RCC1L: variants seen among roughly 807,000 people sequenced by gnomAD.
RCC1L encodes RCC1-like G exchanging factor-like protein.
A neutral mutation model predicts 58.6 loss-of-function variants in RCC1L; 46 were observed. The observed-to-expected ratio is 0.79, with a 90% CI of 0.62 to 1.00. The LOEUF (loss-of-function observed/expected upper bound fraction) is 1.00, where lower values mean the gene tolerates loss of function less well. Among genes scored for constraint, RCC1L ranks in the 50% least tolerant of loss-of-function variants. The pLI is 0.00. For synonymous variants in RCC1L, 281 were observed against 262.9 expected (o/e 1.07, Z -0.67); for missense variants, 636 against 623.6 (o/e 1.02, Z -0.21).
downstream of RCC1L, among the ~76,000 whole-genome samples, chr7:75,041,371 C>T (rs954953910): frequency 8.6e-5 from 13 of 152,036 alleles, no homozygotes; most frequent in African/African-American, 3.1e-4. Flanking sequence ...CTTCACGGTG[C>T]GGGGATTTTT....
rs1554446528 is a variant in RCC1L, at chr7:75,073,632, G to T, written c.106C>A (p.Arg36Ser). ...WTAAGRSRSR[R>S]EAAEAEAEVP... ...TCCGCCTCGGCTTCTGCCGCTTCGCGCCGGCTCCGGGAGCGCCCGGCCGCC... is the reference window on the plus strand; with the variant it reads ...TCCGCCTCGGCTTCTGCCGCTTCGCTCCGGCTCCGGGAGCGCCCGGCCGCC... The change falls in exon 1 of 11, where the codon CGC (arginine) becomes AGC (serine). Residue 36 changes from arginine (R) to serine (S), a missense_variant. Transcript: ENST00000610322. 6.7e-7 allele frequency: 1 copy of T among 1,491,622 alleles called. No individual in the cohort carries two copies. Among genetic ancestry groups the T allele is most frequent in the Non-Finnish European group, 8.9e-7 (1 of 1,129,942 alleles). 92.4% of individuals were successfully genotyped at this position (1,491,622 alleles called of 1,614,324 possible).
At chr7:75,049,630 C>G (rs1414033055) in intron 10 of RCC1L, among the ~76,000 whole-genome samples, 43 of 150,216 alleles carry the variant, frequency 2.9e-4, no homozygotes, top group Non-Finnish European at 5.5e-4. Context: ...GTGATCACAC[C>G]ATACTCCAGC....
chr7:75,073,538 C>T lies in RCC1L; in HGVS notation c.200G>A (p.Ser67Asn). The change falls in exon 1 of 11, where the codon AGC becomes AAC. Residue 67 changes from serine (S) to asparagine (N), a missense_variant. Transcript: ENST00000610322. ...RADRVFVWGF[S>N]FSGALGVPSF... ...AGGCACGCCCAGCGCCCCCGAGAAG[C>T]TGAAGCCCCACACGAAGACGCGATC... 6.7e-7 allele frequency: 1 copy of T among 1,495,896 alleles called. No individual in the cohort carries two copies. Among genetic ancestry groups the T allele is most frequent in the Non-Finnish European group, 8.8e-7 (1 of 1,131,606 alleles). 92.7% of individuals were successfully genotyped at this position (1,495,896 alleles called of 1,614,324 possible).
At chr7:75,071,093 T>C (rs1448061857) in intron 1 of RCC1L, among the ~76,000 whole-genome samples, 2 of 152,112 alleles carry the variant, frequency 1.3e-5, no homozygotes, top group Admixed American at 1.3e-4. Context: ...CGGCCTCAAG[T>C]GATCTGTCCG....
chr7:75,043,194 C>G, intron 10 of RCC1L, 85 bp from the exon 11 acceptor site: 1 of 1,479,124 alleles, frequency 6.8e-7, no homozygotes, highest in Non-Finnish European at 9.4e-7. Flanking sequence ...CCGGCCCTGC[C>G]TCTCAGTAGG....
chr7:75,065,538 G>A (rs587737158), intron 3 of RCC1L, among the ~76,000 whole-genome samples: 1 of 150,150 alleles, frequency 6.7e-6, no homozygotes, highest in Admixed American at 6.8e-5. Flanking sequence ...CTGGGTGGCA[G>A]AGCAAGACTC....
At position 75,066,795 on chromosome 7, in the gene RCC1L, GGAAAA is replaced by G. The variant is rs1554445211; in HGVS notation, c.455-8_455-4del. ...CAACACATACTCGTAGCCCCTCGCT[GGAAAA>G]GACACAGGACACTGATTGAGGCATG... On this transcript the variant is annotated splice_polypyrimidine_tract_variant and splice_region_variant and intron_variant, in intron 2 of 10. Transcript: ENST00000610322. 4 of 1,601,270 alleles carry G rather than the reference GGAAAA, an allele frequency of 2.5e-6. No individual in the cohort carries two copies. The highest frequency in any genetic ancestry group is 2.6e-6 in the Non-Finnish European group (3 of 1,175,014).
At position 75,056,057 on chromosome 7, in the gene RCC1L, C is replaced by A; in HGVS notation, c.1075G>T (p.Val359Phe). 1 of 1,613,898 alleles carries A rather than the reference C, an allele frequency of 6.2e-7. No homozygotes were observed. ...TTCCCAAGAATTCCATAGCCCCAGA[C>A]AAAAACATGTCCTTCTCCTACATTA... ...AVLNGEGHVFVWGYGILGKGP... is the reference protein window; with the variant it reads ...AVLNGEGHVFFWGYGILGKGP... The change falls in exon 9 of 11, where the codon GTC (valine) becomes TTC (phenylalanine). Residue 359 changes from valine (V) to phenylalanine (F), a missense_variant. Transcript: ENST00000610322.
At chr7:75,030,068 G>A (rs1805257456) in intron 10 of RCC1L, among the ~76,000 whole-genome samples, 1 of 152,236 alleles carries the variant, frequency 6.6e-6, no homozygotes, top group Non-Finnish European at 1.5e-5. Flanking sequence ...GGAGCCTGAG[G>A]CCTGAGCCAT....
At position 75,070,620 on chromosome 7, in the gene RCC1L, G is replaced by A; in HGVS notation, c.454+20C>T. On this transcript the variant is annotated intron_variant, in intron 2 of 10. Coordinates refer to ENST00000610322, the MANE Select transcript of RCC1L (RefSeq NM_030798.5). ...CTCAGACCAATCCCGGCAAAGAGGAGACAAGGTAGGGATGCTCACTTTTAT... is the reference window on the plus strand; with the variant it reads ...CTCAGACCAATCCCGGCAAAGAGGAAACAAGGTAGGGATGCTCACTTTTAT... 6.2e-7 allele frequency: 1 copy of A among 1,612,572 alleles called. No individual in the cohort carries two copies. The highest frequency in any genetic ancestry group is 8.5e-7 in the Non-Finnish European group (1 of 1,179,424).
intron 9 of RCC1L, 68 bp from the exon 10 acceptor site, chr7:75,052,864 G>T: frequency 6.9e-7 from 1 of 1,459,416 alleles, no homozygotes; most frequent in Non-Finnish European, 9.5e-7. Context: ...GAGAGGATGG[G>T]TCATGAGAAC....
chr7:75,041,761 G>A (rs1400926609), downstream of RCC1L, among the ~76,000 whole-genome samples: 2 of 151,658 alleles, frequency 1.3e-5, no homozygotes, highest in African/African-American at 4.8e-5. Context: ...CTACTCGGGA[G>A]GCTGAGGCAG....
chr7:75,056,348 A>G (rs1359512946), intron 8 of RCC1L, among the ~76,000 whole-genome samples: 2 of 152,168 alleles, frequency 1.3e-5, no homozygotes, highest in African/African-American at 4.8e-5. Context: ...GAGGGTTAGT[A>G]ACCTGGAAGG....
At position 75,073,562 on chromosome 7, in the gene RCC1L, T is replaced by C; in HGVS notation, c.176A>G (p.Asp59Gly). The C allele has an allele frequency of 4.0e-6, 6 of 1,503,184 alleles. No individual in the cohort carries two copies. In the South Asian group the frequency reaches 7.5e-5, roughly 19 times the overall value. 93.1% of individuals were successfully genotyped at this position (1,503,184 alleles called of 1,614,324 possible). Residue 59 changes from aspartate to glycine, a missense_variant, in exon 1 of 11, where the codon GAT (aspartate) becomes GGT (glycine). Asp to Gly is a moderately conservative substitution (Grantham distance 94). Transcript: ENST00000610322. ...QYVGERAARA[D>G]RVFVWGFSFS... ...GCTGAAGCCCCACACGAAGACGCGATCGGCGCGGGCAGCGCGCTCGCCCAC... is the reference window on the plus strand; with the variant it reads ...GCTGAAGCCCCACACGAAGACGCGACCGGCGCGGGCAGCGCGCTCGCCCAC...
At chr7:75,072,161 C>CATATACATATACAT (rs1455614533) in intron 1 of RCC1L, among the ~76,000 whole-genome samples, 10 of 46,368 alleles carry the variant, frequency 2.2e-4, no homozygotes, top group Non-Finnish European at 3.2e-4. Flanking sequence ...TATACATATA[C>CATATACATATACAT]ATATATATAT....
chr7:75,051,186 T>A (rs587693459), intron 10 of RCC1L, among the ~76,000 whole-genome samples: 4,274 of 143,904 alleles, frequency 0.03, 106 homozygotes, highest in Middle Eastern at 0.096. Context: ...AAAATATATA[T>A]ATATATATAT....
intron 10 of RCC1L, among the ~76,000 whole-genome samples, chr7:75,028,258 T>C (rs1805193349): frequency 6.6e-6 from 1 of 151,932 alleles, no homozygotes; most frequent in Non-Finnish European, 1.5e-5. Flanking sequence ...GTAGGTGAGA[T>C]TACAGGCACT....
intron 10 of RCC1L, among the ~76,000 whole-genome samples, chr7:75,030,884 C>T (rs1051851308): frequency 3.9e-5 from 6 of 152,148 alleles, no homozygotes; most frequent in East Asian, 1.9e-4. Context: ...TTGTGGGGGC[C>T]GGCACTCCCT....
rs1222011001 is a variant in RCC1L at position 75,072,138 on chromosome 7, TTATACA to T, written c.324+1270_324+1275del. ...TTGTACTCTATTTTGTATTTTAAAT[TTATACA>T]TATACATATACATATACATATATAT... On this transcript the variant is annotated intron_variant, in intron 1 of 10. Transcript: ENST00000610322. Among the ~76,000 whole-genome samples the T allele has an allele frequency of 6.2e-3, 467 of 75,736 alleles. 27 individuals carry two copies. The highest frequency in any genetic ancestry group is 0.014 in the Admixed American group (69 of 4,920). 49.7% of individuals were successfully genotyped at this position (75,736 alleles called of 152,430 possible). A position where few individuals can be genotyped will look rare whatever the true frequency, so the allele number is the denominator to read the frequency against.
Sources: allele counts gnomAD v4.1 joint callset (sites outside exome capture counted in the v4.1 genomes callset), GRCh38; gene constraint gnomAD v4.1.1; transcripts MANE v1.5; gene names NCBI Gene and HGNC (gene_info 2026-07-23, HGNC 2026-07-21).